The following RBFOX1 variants were observed in gnomAD, a reference collection of about 807,000 sequenced individuals.
RBFOX1 encodes RNA binding fox-1 homolog 1, also known as RNA binding protein fox-1 homolog 1.
A neutral mutation model predicts 57.7 loss-of-function variants in RBFOX1; 8 were observed. That is an observed-to-expected ratio of 0.14 (90% CI 0.08 to 0.25). The LOEUF (loss-of-function observed/expected upper bound fraction) is 0.25, where lower values mean the gene tolerates loss of function less well. Among genes scored for constraint, RBFOX1 ranks in the 10% least tolerant of loss-of-function variants. RBFOX1 has a pLI of 1.00. For missense variants in RBFOX1, 611 were observed against 548.5 expected (o/e 1.11, Z -1.14); for synonymous variants, 326 against 222.4 (o/e 1.47, Z -4.15).
chr16:5,867,415 T>C, intron 4 of RBFOX1: 3 of 897,302 alleles, frequency 3.3e-6, no homozygotes, highest in Non-Finnish European at 4.4e-6. Flanking sequence ...ACGAGCATTC[T>C]AGCAATGATT....
Position 6,192,304 on chromosome 16 carries a change from AT to A in RBFOX1, c.-126-124689del, listed in dbSNP as rs147548760. On this transcript the variant is annotated intron_variant, in intron 1 of 15. Coordinates refer to ENST00000550418, the MANE Select transcript of RBFOX1 (RefSeq NM_018723.4). ...GTTCTCATGCCACATCAAAATTGGC[AT>A]TGGTAGCTCGCTAATGAGTAGGTAG... Among the ~76,000 whole-genome samples, 336 of 152,254 alleles carry A rather than the reference AT, an allele frequency of 2.2e-3. 2 individuals are homozygous for A. Among genetic ancestry groups the A allele is most frequent in the African/African-American group, 7.7e-3 (318 of 41,538 alleles).
intron 3 of RBFOX1, among the ~76,000 whole-genome samples, chr16:6,868,288 C>A (rs562812326): frequency 6.6e-6 from 1 of 152,070 alleles, no homozygotes; most frequent in Admixed American, 6.5e-5. Context: ...AAGATGGACA[C>A]AGAAAGTGGT....
At chr16:6,747,304 G>T (rs2073907460) in intron 3 of RBFOX1, among the ~76,000 whole-genome samples, 1 of 152,110 alleles carries the variant, frequency 6.6e-6, no homozygotes, top group Admixed American at 6.5e-5. Flanking sequence ...CTACTCAAGA[G>T]GCTGAGGCAG....
At chr16:5,821,576 T>G (rs1210629507) in intron 3 of RBFOX1, among the ~76,000 whole-genome samples, 3 of 152,206 alleles carry the variant, frequency 2.0e-5, no homozygotes, top group African/African-American at 7.2e-5. Flanking sequence ...ATGCTGGGAT[T>G]ATAGGCATGA....
At chr16:5,378,410 G>A (rs1179393863) in intron 1 of RBFOX1, among the ~76,000 whole-genome samples, 1 of 151,572 alleles carries the variant, frequency 6.6e-6, no homozygotes, top group Non-Finnish European at 1.5e-5. Context: ...CCAGGATCGG[G>A]GAGTTAGCCT....
intron 3 of RBFOX1, among the ~76,000 whole-genome samples, chr16:5,774,214 A>T (rs1470208602): frequency 6.6e-6 from 1 of 152,182 alleles, no homozygotes; most frequent in African/African-American, 2.4e-5. Flanking sequence ...GATTTGGGCA[A>T]TGGGAAGAGA....
chr16:5,947,552 G>A lies in RBFOX1; in HGVS notation c.351+80217G>A, dbSNP rs1307270603. Reference sequence around the variant, plus strand: ...TGCCTAGGCTGGTGTCAGACTCCTAGCCCCAAGCAATTCTCACATATCAGC... The same window carrying A: ...TGCCTAGGCTGGTGTCAGACTCCTAACCCCAAGCAATTCTCACATATCAGC... On this transcript the variant is annotated intron_variant, in intron 4 of 19. Transcript: ENST00000641259. The surrounding 1 kb of genome is among the most constrained non-coding windows in gnomAD (Gnocchi z 7.2). Among the ~76,000 whole-genome samples, 1 of 152,086 alleles carries A rather than the reference G, an allele frequency of 6.6e-6. No individual in the cohort carries two copies. The highest frequency in any genetic ancestry group is 1.5e-5 in the Non-Finnish European group (1 of 68,024).
intron 1 of RBFOX1, among the ~76,000 whole-genome samples, chr16:6,113,964 A>G (rs1371196499): frequency 6.6e-6 from 1 of 152,222 alleles, no homozygotes; most frequent in Non-Finnish European, 1.5e-5. Context: ...TGTTCTAAAT[A>G]GAGCAGGTTT....
intron 4 of RBFOX1, among the ~76,000 whole-genome samples, chr16:7,109,213 T>C (rs1479081828): frequency 6.6e-6 from 1 of 152,184 alleles, no homozygotes; most frequent in Non-Finnish European, 1.5e-5. Context: ...GTATAAAGGA[T>C]ACCAGTAGAT....
At chr16:6,874,526 A>G (rs1404890440) in intron 3 of RBFOX1, among the ~76,000 whole-genome samples, 2 of 151,330 alleles carry the variant, frequency 1.3e-5, no homozygotes, top group Non-Finnish European at 2.9e-5. Context: ...AAAAAAAAAA[A>G]AAAAAAAAAA....
chr16:6,648,904 A>G (rs1206302221), intron 2 of RBFOX1, among the ~76,000 whole-genome samples: 1 of 152,206 alleles, frequency 6.6e-6, no homozygotes, highest in African/African-American at 2.4e-5. Flanking sequence ...TACATTGTGG[A>G]ATGGCTAAAT....
At chr16:5,807,692 TGGAAGGTTGAAGTC>T (rs2151767870) in intron 3 of RBFOX1, among the ~76,000 whole-genome samples, 1 of 152,240 alleles carries the variant, frequency 6.6e-6, no homozygotes, top group African/African-American at 2.4e-5. Flanking sequence ...AGAGGGAGTG[TGGAAGGTTGAAGTC>T]TACATCGGTG....
intron 3 of RBFOX1, among the ~76,000 whole-genome samples, chr16:6,982,732 C>T (rs1009945078): frequency 2.0e-5 from 3 of 152,224 alleles, no homozygotes; most frequent in African/African-American, 4.8e-5. Flanking sequence ...GTGGCTCATG[C>T]CTGTAATCCC....
chr16:5,876,646 A>G (rs778253233), intron 4 of RBFOX1, among the ~76,000 whole-genome samples: 1 of 152,184 alleles, frequency 6.6e-6, no homozygotes, highest in Admixed American at 6.5e-5. Flanking sequence ...CACAAAACCC[A>G]TTCCCAGAAC....
At chr16:7,379,277 C>A (rs942770978) in intron 4 of RBFOX1, among the ~76,000 whole-genome samples, 1 of 152,046 alleles carries the variant, frequency 6.6e-6, no homozygotes, top group African/African-American at 2.4e-5. Context: ...GTAACTGTGC[C>A]CTGCCTCTTT....
At chr16:5,756,635 G>A (rs2151632992) in intron 3 of RBFOX1, among the ~76,000 whole-genome samples, 2 of 152,274 alleles carry the variant, frequency 1.3e-5, no homozygotes, top group East Asian at 3.9e-4. Context: ...TATGCCTGCT[G>A]CCTGCCTTTC....
intron 1 of RBFOX1, among the ~76,000 whole-genome samples, chr16:6,195,543 C>T (rs994726755): frequency 6.6e-6 from 1 of 152,022 alleles, no homozygotes; most frequent in Non-Finnish European, 1.5e-5. Context: ...CATGGAGAAA[C>T]CCCATGTCTA....
intron 4 of RBFOX1, among the ~76,000 whole-genome samples, chr16:7,341,781 T>TC: frequency 5.6e-5 from 3 of 53,296 alleles, no homozygotes; most frequent in East Asian, 4.4e-4. Context: ...CCTCCCTCCT[T>TC]CCTTCCTTCC....
At chr16:6,561,293 A>C (rs140293271) in intron 2 of RBFOX1, among the ~76,000 whole-genome samples, 27 of 152,296 alleles carry the variant, frequency 1.8e-4, no homozygotes, top group African/African-American at 6.5e-4. Context: ...TGCTGGGTAA[A>C]TGTTCCATGG....
Sources: allele counts gnomAD v4.1 joint callset (sites outside exome capture counted in the v4.1 genomes callset), GRCh38; gene constraint gnomAD v4.1.1; non-coding constraint Gnocchi (gnomAD v3.1); transcripts MANE v1.5; gene names NCBI Gene and HGNC (gene_info 2026-07-23, HGNC 2026-07-21).